The following LAPTM5 variants were observed in gnomAD, a reference collection of about 807,000 sequenced individuals.
The protein encoded by LAPTM5 is lysosomal-associated transmembrane protein 5.
A neutral mutation model predicts 30.1 loss-of-function variants in LAPTM5; 11 were observed. That is an observed-to-expected ratio of 0.37 (90% CI 0.23 to 0.60). The LOEUF is 0.60. Among genes scored for constraint, LAPTM5 ranks in the 20% least tolerant of loss-of-function variants. The pLI, the probability that LAPTM5 is intolerant of heterozygous loss-of-function variation, is 0.71. For missense variants in LAPTM5, 324 were observed against 332.5 expected (o/e 0.97, Z 0.20); for synonymous variants, 151 against 137.9 (o/e 1.10, Z -0.67).
chr1:30,745,480 A>T (rs2124189070), intron 1 of LAPTM5, among the ~76,000 whole-genome samples: 1 of 149,378 alleles, frequency 6.7e-6, no homozygotes. Context: ...AGGTATTTCT[A>T]CTTTTGTGAA....
chr1:30,740,407 AC>A (rs1051444488), intron 3 of LAPTM5, among the ~76,000 whole-genome samples: 4 of 64,842 alleles, frequency 6.2e-5, no homozygotes, highest in African/African-American at 2.2e-4. Context: ...CCTCCCCCCC[AC>A]CCCCCACTCC....
At chr1:30,738,166 T>C (rs1034148845) in intron 5 of LAPTM5, among the ~76,000 whole-genome samples, 8 of 152,212 alleles carry the variant, frequency 5.3e-5, no homozygotes, top group African/African-American at 1.9e-4. Flanking sequence ...CACACATTCT[T>C]TGAGACGCCT....
intron 1 of LAPTM5, among the ~76,000 whole-genome samples, chr1:30,749,790 G>A (rs906244659): frequency 5.9e-5 from 9 of 152,194 alleles, no homozygotes; most frequent in Admixed American, 2.0e-4. Context: ...TGCATGAGAC[G>A]CATTCAGGAA....
chr1:30,736,213 G>T (rs539414490), intron 6 of LAPTM5, among the ~76,000 whole-genome samples: 65 of 152,240 alleles, frequency 4.3e-4, no homozygotes, highest in South Asian at 1.2e-3. Context: ...CCTTGGAGAA[G>T]ATGCTAAAAG....
chr1:30,756,634 C>A (rs1393816343), intron 1 of LAPTM5, among the ~76,000 whole-genome samples: 1 of 152,230 alleles, frequency 6.6e-6, no homozygotes, highest in Non-Finnish European at 1.5e-5. Context: ...GCATCGCCCC[C>A]CTGAAGGCTG....
chr1:30,747,894 G>T (rs1640071025), intron 1 of LAPTM5, among the ~76,000 whole-genome samples: 1 of 152,150 alleles, frequency 6.6e-6, no homozygotes, highest in South Asian at 2.1e-4. Flanking sequence ...TGACAGTGAT[G>T]ATCAGAGATG....
chr1:30,733,703 A>G lies in LAPTM5; in HGVS notation c.*125T>C. On this transcript the variant is annotated 3_prime_UTR_variant, in exon 8 of 8. Coordinates refer to ENST00000294507, the MANE Select transcript of LAPTM5 (RefSeq NM_006762.3). ...AGGAGCAGGCCAGCGAGGGAGACAC[A>G]AGCAGATTGTCCTGCCAGGGAGGGG... 2 of 1,533,944 alleles carry G rather than the reference A, an allele frequency of 1.3e-6. No homozygotes were observed. Among genetic ancestry groups the G allele is most frequent in the Non-Finnish European group, 1.7e-6 (2 of 1,145,520 alleles).
chr1:30,744,172 C>T (rs1285785619), intron 1 of LAPTM5, among the ~76,000 whole-genome samples: 2 of 152,152 alleles, frequency 1.3e-5, no homozygotes, highest in Non-Finnish European at 2.9e-5. Flanking sequence ...ACTGCCCCCT[C>T]TACCTGCTAA....
At chr1:30,749,041 G>T (rs140826902) in intron 1 of LAPTM5, among the ~76,000 whole-genome samples, 1 of 152,358 alleles carries the variant, frequency 6.6e-6, no homozygotes, top group African/African-American at 2.4e-5. Context: ...ACCCAGCACG[G>T]AGCCTGGTGG....
At chr1:30,735,338 G>T in intron 6 of LAPTM5, 73 bp from the exon 7 acceptor site, 1 of 1,253,370 alleles carries the variant, frequency 8.0e-7, no homozygotes, top group Non-Finnish European at 1.2e-6. Flanking sequence ...TAGGACATAT[G>T]CCAGGCAGGA....
At chr1:30,738,882 T>G (rs576810725) in intron 5 of LAPTM5, 58 bp downstream of exon 5, 20 of 1,541,254 alleles carry the variant, frequency 1.3e-5, no homozygotes, top group Middle Eastern at 2.3e-4. Flanking sequence ...AGACGTGAAG[T>G]AACCTGTTCA....
rs1403948408 is a variant in LAPTM5 at position 30,732,864 on chromosome 1, G to A, written c.*964C>T. The A allele has an allele frequency of 6.6e-6, 1 of 152,266 alleles. No individual in the cohort carries two copies. Among genetic ancestry groups the A allele is most frequent in the Non-Finnish European group, 1.5e-5 (1 of 68,090 alleles). The allele number at this position is 152,266 out of a possible 1,614,324, so 9.4% of individuals were successfully genotyped here. ...GAACAGATTCGCCTATGACTGAATC[G>A]ACTGAATGGATGGCCAGCGACAGCC... On this transcript the variant is annotated 3_prime_UTR_variant, in exon 8 of 8. Coordinates refer to ENST00000294507, the MANE Select transcript of LAPTM5 (RefSeq NM_006762.3).
At chr1:30,755,371 A>G (rs1640195775) in intron 1 of LAPTM5, among the ~76,000 whole-genome samples, 1 of 152,038 alleles carries the variant, frequency 6.6e-6, no homozygotes, top group Non-Finnish European at 1.5e-5. Context: ...TCAATGGTGC[A>G]CTGCAGAGAA....
intron 3 of LAPTM5, among the ~76,000 whole-genome samples, chr1:30,741,418 G>A (rs139680902): frequency 2.0e-5 from 3 of 152,162 alleles, no homozygotes; most frequent in African/African-American, 4.8e-5. Flanking sequence ...CACCATGCCC[G>A]GCCCCGTGGA....
In LAPTM5 at chr1:30,735,210, G is replaced by A. The variant is rs761225896; in HGVS notation, c.662C>T (p.Ser221Leu). The A allele has an allele frequency of 2.2e-5, 35 of 1,613,912 alleles. No homozygotes were observed. Among genetic ancestry groups the A allele is most frequent in the East Asian group, 8.9e-5 (4 of 44,886 alleles). Reference protein sequence around the residue: ...RCYRLIKCMNSVEEKRNSKML... With the variant: ...RCYRLIKCMNLVEEKRNSKML... Reference sequence around the variant, plus strand: ...CTTGGAGTTTCTCTTCTCCTCCACCGAGTTCATGCACTTGATCAATCTGTA... The same window carrying A: ...CTTGGAGTTTCTCTTCTCCTCCACCAAGTTCATGCACTTGATCAATCTGTA... Residue 221 changes from serine (S) to leucine (L), a missense_variant, in exon 7 of 8, where the codon TCG (serine) becomes TTG (leucine). By Grantham distance (145) the Ser-to-Leu change is moderately radical. Coordinates refer to ENST00000294507, the MANE Select transcript of LAPTM5 (RefSeq NM_006762.3).
chr1:30,733,786 A>C lies in LAPTM5; in HGVS notation c.*42T>G. ...AAAGCAAAAAAGCAGATTATGAGGC[A>C]GCTCCACCCCTCCCAGCACTGGGGC... On this transcript the variant is annotated 3_prime_UTR_variant, in exon 8 of 8. Transcript: ENST00000294507. 6.3e-7 allele frequency: 1 copy of C among 1,588,612 alleles called. No individual in the cohort carries two copies. Among genetic ancestry groups the C allele is most frequent in the African/African-American group, 1.4e-5 (1 of 73,856 alleles).
intron 1 of LAPTM5, among the ~76,000 whole-genome samples, chr1:30,754,285 G>T (rs557768518): frequency 1.3e-5 from 2 of 152,178 alleles, no homozygotes; most frequent in South Asian, 2.1e-4. Flanking sequence ...TAATCCCAGC[G>T]CGTTGGGAGG....
chr1:30,742,175 C>T (rs761949202), intron 2 of LAPTM5: 10 of 510,918 alleles, frequency 2.0e-5, no homozygotes, highest in Non-Finnish European at 3.2e-5. Context: ...CCACTGACGG[C>T]TTTAAGCAGA....
chr1:30,751,235 T>A (rs1052810456), intron 1 of LAPTM5, among the ~76,000 whole-genome samples: 1 of 152,186 alleles, frequency 6.6e-6, no homozygotes, highest in African/African-American at 2.4e-5. Context: ...GTTCTGACAC[T>A]GAGGAGGGGC....
Sources: gnomAD v4.1 joint callset for allele counts (sites outside exome capture counted in the v4.1 genomes callset) on GRCh38, gnomAD v4.1.1 for gene constraint, MANE v1.5 for transcripts, NCBI Gene and HGNC (gene_info 2026-07-23, HGNC 2026-07-21) for gene names.